Variants in EPC2 observed in about 807,000 individuals in gnomAD.
The protein encoded by EPC2 is enhancer of polycomb 2.
EPC2 carries 14 observed loss-of-function variants against 92.1 expected under a neutral mutation model. The observed-to-expected ratio is 0.15, with a 90% confidence interval of 0.10 to 0.24. The LOEUF (loss-of-function observed/expected upper bound fraction) is 0.24. EPC2 is among the 10% of genes least tolerant of loss of function. The pLI, the probability that EPC2 is intolerant of heterozygous loss-of-function variation, is 1.00. For synonymous variants in EPC2, 340 were observed against 334.7 expected (o/e 1.02, Z -0.17); for missense variants, 755 against 971.5 (o/e 0.78, Z 2.96).
intron 1 of EPC2, among the ~76,000 whole-genome samples, chr2:148,649,130 A>G (rs992519316): frequency 3.3e-5 from 5 of 152,206 alleles, no homozygotes; most frequent in African/African-American, 9.6e-5. Flanking sequence ...TGAATACTTC[A>G]TATATCCGAG....
chr2:148,755,301 G>A (rs1683165208), intron 4 of EPC2, among the ~76,000 whole-genome samples: 1 of 152,000 alleles, frequency 6.6e-6, no homozygotes, highest in Non-Finnish European at 1.5e-5. Context: ...ACTGAAACAA[G>A]ATAAGTTCAT....
chr2:148,741,371 G>T (rs1387193818), intron 2 of EPC2, among the ~76,000 whole-genome samples: 1 of 151,976 alleles, frequency 6.6e-6, no homozygotes, highest in Non-Finnish European at 1.5e-5. Context: ...TTTTATTATT[G>T]TTATCTAGTG....
In EPC2 at chr2:148,666,940, A is replaced by G. The variant is rs533846094; in HGVS notation, c.153+21770A>G. Among the ~76,000 whole-genome samples, 10 of 151,202 alleles carry G rather than the reference A, an allele frequency of 6.6e-5. 1 individual carries two copies. Among genetic ancestry groups the G allele is most frequent in the Non-Finnish European group, 1.0e-4 (7 of 67,938 alleles). On this transcript the variant is annotated intron_variant, in intron 1 of 13. Transcript: ENST00000258484. ...GCTGATTATCTGTGCTTTTTTGAGT[A>G]GGAGCTGGATAGCACTCTTATAAGT...
At chr2:148,655,769 T>C (rs940871157) in intron 1 of EPC2, among the ~76,000 whole-genome samples, 2 of 152,140 alleles carry the variant, frequency 1.3e-5, no homozygotes, top group Non-Finnish European at 2.9e-5. Flanking sequence ...CGTCCTTGTC[T>C]CAAAAGCATA....
At chr2:148,654,337 A>G (rs1680746815) in intron 1 of EPC2, among the ~76,000 whole-genome samples, 1 of 152,178 alleles carries the variant, frequency 6.6e-6, no homozygotes, top group Non-Finnish European at 1.5e-5. Flanking sequence ...CAGGATAACA[A>G]ATATGAAGGT....
intron 2 of EPC2, among the ~76,000 whole-genome samples, chr2:148,701,357 G>A (rs749565219): frequency 3.3e-5 from 5 of 152,266 alleles, no homozygotes; most frequent in East Asian, 1.9e-4. Context: ...GTAGGAAAGC[G>A]TCTGGTTTCT....
chr2:148,727,982 G>A (rs991195861), intron 2 of EPC2, among the ~76,000 whole-genome samples: 5 of 152,142 alleles, frequency 3.3e-5, no homozygotes, highest in African/African-American at 1.2e-4. Context: ...ATAGGAATTT[G>A]TATTCTTTTC....
chr2:148,743,903 C>T (rs954852829), intron 3 of EPC2, 136 bp downstream of exon 3: 9 of 625,402 alleles, frequency 1.4e-5, no homozygotes, highest in East Asian at 3.3e-5. Flanking sequence ...TACAATGTTC[C>T]GTGAGTGGAG....
At chr2:148,679,429 A>G (rs1321676840) in intron 1 of EPC2, among the ~76,000 whole-genome samples, 3 of 152,218 alleles carry the variant, frequency 2.0e-5, no homozygotes, top group Non-Finnish European at 4.4e-5. Flanking sequence ...TAATAAGCAC[A>G]TGATTGCAGA....
At chr2:148,662,400 A>G (rs1680955792) in intron 1 of EPC2, among the ~76,000 whole-genome samples, 1 of 152,228 alleles carries the variant, frequency 6.6e-6, no homozygotes, top group Non-Finnish European at 1.5e-5. Flanking sequence ...CACAATAGCA[A>G]AGACTTGGAA....
chr2:148,740,975 A>G (rs563188381), intron 2 of EPC2, among the ~76,000 whole-genome samples: 82 of 152,200 alleles, frequency 5.4e-4, no homozygotes, highest in Middle Eastern at 3.4e-3. Context: ...TCATTTTGTC[A>G]TTGACTTTGA....
intron 2 of EPC2, among the ~76,000 whole-genome samples, chr2:148,719,473 G>A (rs1682324868): frequency 6.6e-6 from 1 of 152,086 alleles, no homozygotes; most frequent in East Asian, 1.9e-4. Context: ...TCATAGTCTG[G>A]TCACTCTTCT....
At chr2:148,698,032 A>G (rs1449902475) in intron 2 of EPC2, among the ~76,000 whole-genome samples, 1 of 151,892 alleles carries the variant, frequency 6.6e-6, no homozygotes, top group African/African-American at 2.4e-5. Flanking sequence ...TTTTCTCTAT[A>G]TGTTAACAAA....
At chr2:148,762,438 T>C (rs2105423665) in intron 5 of EPC2, among the ~76,000 whole-genome samples, 1 of 152,038 alleles carries the variant, frequency 6.6e-6, no homozygotes, top group East Asian at 1.9e-4. Context: ...GATTATATAA[T>C]ATATGTAAGA....
chr2:148,691,610 G>GT (rs1299498626), intron 2 of EPC2: 4 of 1,550,274 alleles, frequency 2.6e-6, no homozygotes, highest in African/African-American at 1.4e-5. Flanking sequence ...ATTTTCATTT[G>GT]TTTCTGCCAG....
At chr2:148,767,524 C>T (rs950842416) in intron 7 of EPC2, among the ~76,000 whole-genome samples, 2 of 152,034 alleles carry the variant, frequency 1.3e-5, no homozygotes, top group African/African-American at 2.4e-5. Flanking sequence ...TATATTTGGG[C>T]GTCATTCAGT....
At chr2:148,667,453 AT>A (rs1033095724) in intron 1 of EPC2, among the ~76,000 whole-genome samples, 1 of 152,108 alleles carries the variant, frequency 6.6e-6, no homozygotes, top group African/African-American at 2.4e-5. Flanking sequence ...ATTACAGTAG[AT>A]TTTTTTGTGT....
rs139052826 is a variant in EPC2 at position 148,780,933 on chromosome 2, T to C, written c.1721-711T>C. Among the ~76,000 whole-genome samples the C allele has an allele frequency of 4.8e-3, 738 of 152,328 alleles. 4 individuals are homozygous for C. The highest frequency in any genetic ancestry group is 8.9e-3 in the Non-Finnish European group (604 of 68,012). On this transcript the variant is annotated intron_variant, in intron 10 of 13. Transcript: ENST00000258484. The stretch of plus-strand genomic sequence containing the variant: ...AAAGTGGTTTCTGTAACTTAGCTGA[T>C]TTTTTCAACAAAAGTTGTAGATGTC...
At chr2:148,646,198 T>C (rs1456709455) in intron 1 of EPC2, among the ~76,000 whole-genome samples, 5 of 152,216 alleles carry the variant, frequency 3.3e-5, no homozygotes, top group Non-Finnish European at 7.3e-5. Flanking sequence ...GGATTGGTTC[T>C]CTTGCTTCAG....
Sources: allele counts gnomAD v4.1 joint callset (sites outside exome capture counted in the v4.1 genomes callset), GRCh38; gene constraint gnomAD v4.1.1; transcripts MANE v1.5; gene names NCBI Gene and HGNC (gene_info 2026-07-23, HGNC 2026-07-21).